The following NCAM2 variants were observed in gnomAD, a reference collection of about 807,000 sequenced individuals.
The protein encoded by NCAM2 is N-CAM-2.
Under a neutral mutation model 98.1 loss-of-function variants are expected in NCAM2, and 30 were observed. That is an observed-to-expected ratio of 0.31 (90% confidence interval 0.23 to 0.41). The LOEUF (loss-of-function observed/expected upper bound fraction) is 0.41. Among genes scored for constraint, NCAM2 ranks in the 10% least tolerant of loss-of-function variants. The pLI, the probability that NCAM2 is intolerant of heterozygous loss-of-function variation, is 1.00. For synonymous variants in NCAM2, 368 were observed against 342.4 expected, an observed-to-expected ratio of 1.07 and a Z score of -0.83; for missense variants, 867 against 1,005.8, an observed-to-expected ratio of 0.86 and a Z score of 1.87.
intron 1 of NCAM2, among the ~76,000 whole-genome samples, chr21:21,168,037 A>G (rs60488248): frequency 6.6e-6 from 1 of 152,158 alleles, no homozygotes; most frequent in Non-Finnish European, 1.5e-5. Context: ...GCGCATAAAC[A>G]TAGACGCAAA....
At chr21:21,087,090 G>A (rs1195773813) in intron 1 of NCAM2, among the ~76,000 whole-genome samples, 1 of 152,022 alleles carries the variant, frequency 6.6e-6, no homozygotes, top group Non-Finnish European at 1.5e-5. Context: ...GTGTGTGTGT[G>A]TGTGTGTTGT....
intron 1 of NCAM2, among the ~76,000 whole-genome samples, chr21:21,220,468 T>TACAC (rs781219052): frequency 2.0e-5 from 3 of 152,184 alleles, no homozygotes; most frequent in Non-Finnish European, 4.4e-5. Context: ...AGGTTTGTAG[T>TACAC]ACACTATAGT....
chr21:21,020,415 G>A (rs2064408215), intron 1 of NCAM2, among the ~76,000 whole-genome samples: 1 of 152,184 alleles, frequency 6.6e-6, no homozygotes, highest in Non-Finnish European at 1.5e-5. Context: ...TACTCGAACT[G>A]TTGTCTGGGC....
At chr21:21,257,372 G>A (rs972792871) in intron 1 of NCAM2, among the ~76,000 whole-genome samples, 4 of 152,150 alleles carry the variant, frequency 2.6e-5, no homozygotes, top group Non-Finnish European at 5.9e-5. Flanking sequence ...CTGAATGGAA[G>A]ACAAAAGCTT....
intron 16 of NCAM2, among the ~76,000 whole-genome samples, chr21:21,534,091 A>T (rs977624389): frequency 2.0e-5 from 3 of 151,980 alleles, no homozygotes; most frequent in South Asian, 4.1e-4. Context: ...CTTCTGAAGT[A>T]TTTCAAATAT....
intron 1 of NCAM2, among the ~76,000 whole-genome samples, chr21:21,264,336 C>G (rs991008296): frequency 1.3e-5 from 2 of 151,898 alleles, no homozygotes; most frequent in Non-Finnish European, 2.9e-5. Context: ...ATTAAAAAGT[C>G]AAAAACTAAC....
chr21:21,052,345 A>T (rs1440447267), intron 1 of NCAM2, among the ~76,000 whole-genome samples: 1 of 151,780 alleles, frequency 6.6e-6, no homozygotes, highest in Non-Finnish European at 1.5e-5. Flanking sequence ...TTGTGTTTTT[A>T]ATAGAGATGG....
Position 21,017,482 on chromosome 21 carries a change from G to C in NCAM2, c.55+18864G>C, listed in dbSNP as rs375748820. Among the ~76,000 whole-genome samples the C allele has an allele frequency of 4.7e-5, 7 of 148,168 alleles. No individual in the cohort carries two copies. In the East Asian group the frequency reaches 8.0e-4, roughly 17 times the overall value. On this transcript the variant is annotated intron_variant, in intron 1 of 17. Coordinates refer to ENST00000400546, the MANE Select transcript of NCAM2 (RefSeq NM_004540.5). ...AACGGGAACCAGAGTCTTCTATAGA[G>C]GGAGAAGTTGTAACTAAGAGTGGTG... is the stretch of plus-strand genomic sequence containing the variant.
chr21:21,023,463 G>A (rs1383567587), intron 1 of NCAM2, among the ~76,000 whole-genome samples: 1 of 151,670 alleles, frequency 6.6e-6, no homozygotes, highest in Non-Finnish European at 1.5e-5. Flanking sequence ...GGCGGAGGTT[G>A]CAGTGAGCCA....
chr21:21,116,015 TTGTGTG>T lies in NCAM2; in HGVS notation c.55+117423_55+117428del, dbSNP rs3071992. Among the ~76,000 whole-genome samples, 1,140 of 145,328 alleles carry T rather than the reference TTGTGTG, an allele frequency of 7.8e-3. 7 individuals are homozygous for T. Among genetic ancestry groups the T allele is most frequent in the Non-Finnish European group, 9.2e-3 (611 of 66,188 alleles). ...TGTCTGTCTGTCTTTCATGCTGAGA[TTGTGTG>T]TGTGTGTGTGTGTGTGTGTGTGTGT... On this transcript the variant is annotated intron_variant, in intron 1 of 17. Transcript: ENST00000400546.
chr21:21,010,141 TTTAC>T (rs1312862987), intron 1 of NCAM2, among the ~76,000 whole-genome samples: 3 of 152,094 alleles, frequency 2.0e-5, no homozygotes, highest in Middle Eastern at 3.2e-3. Flanking sequence ...TTTATCTATT[TTTAC>T]TTTTATCTCC....
intron 16 of NCAM2, among the ~76,000 whole-genome samples, chr21:21,519,245 G>A (rs1988880250): frequency 6.6e-6 from 1 of 152,038 alleles, no homozygotes; most frequent in African/African-American, 2.4e-5. Flanking sequence ...GTTTTAAGAA[G>A]ATGACTTTTG....
chr21:21,092,762 G>A (rs1041845751), intron 1 of NCAM2, among the ~76,000 whole-genome samples: 3 of 151,880 alleles, frequency 2.0e-5, no homozygotes, highest in East Asian at 3.9e-4. Context: ...TACCGTAGAC[G>A]TGTTTCAAAG....
chr21:21,094,767 G>A (rs1244380073), intron 1 of NCAM2, among the ~76,000 whole-genome samples: 3 of 151,732 alleles, frequency 2.0e-5, no homozygotes, highest in Non-Finnish European at 4.4e-5. Context: ...AACGATGTAA[G>A]TGGGTCATAT....
At chr21:21,186,251 T>C (rs1342748153) in intron 1 of NCAM2, among the ~76,000 whole-genome samples, 1 of 152,188 alleles carries the variant, frequency 6.6e-6, no homozygotes, top group African/African-American at 2.4e-5. Context: ...AATTTATGTC[T>C]TCTTTTTTCA....
chr21:21,488,122 A>G (rs995769612), intron 15 of NCAM2, among the ~76,000 whole-genome samples: 1 of 152,160 alleles, frequency 6.6e-6, no homozygotes, highest in African/African-American at 2.4e-5. Context: ...TTTCACTTAC[A>G]TATAGCAAAT....
chr21:21,408,111 C>T (rs1426330482), intron 9 of NCAM2, among the ~76,000 whole-genome samples: 4 of 152,112 alleles, frequency 2.6e-5, no homozygotes, highest in Non-Finnish European at 5.9e-5. Context: ...GGTGTAGAAA[C>T]GATCAAATAG....
At chr21:21,245,649 T>C (rs2071239047) in intron 1 of NCAM2, among the ~76,000 whole-genome samples, 2 of 152,242 alleles carry the variant, frequency 1.3e-5, no homozygotes, top group Non-Finnish European at 2.9e-5. Flanking sequence ...TTCACTGCAC[T>C]GATTCCCCAA....
chr21:21,530,228 ATATATTTAAT>A (rs1167363202), intron 16 of NCAM2, among the ~76,000 whole-genome samples: 1 of 70,822 alleles, frequency 1.4e-5, no homozygotes, highest in African/African-American at 5.7e-5. Context: ...ATTTAATTAT[ATATATTTAAT>A]TTAAATTAAT....
Sources: gnomAD v4.1 joint callset for allele counts (sites outside exome capture counted in the v4.1 genomes callset) on GRCh38, gnomAD v4.1.1 for gene constraint, MANE v1.5 for transcripts, NCBI Gene and HGNC (gene_info 2026-07-23, HGNC 2026-07-21) for gene names.